Variants in WWOX observed in about 807,000 individuals in gnomAD.
The protein encoded by WWOX is WW domain-containing oxidoreductase.
A neutral mutation model predicts 46.2 loss-of-function variants in WWOX; 69 were observed. That is an observed-to-expected ratio of 1.49 (90% CI 1.23 to 1.82). WWOX has a LOEUF of 1.82. WWOX is among the 40% of genes most tolerant of loss of function. WWOX has a pLI of 0.00. For missense variants in WWOX, 919 were observed against 542.6 expected (o/e 1.69, Z -6.89); for synonymous variants, 359 against 202.6 (o/e 1.77, Z -6.56).
intron 5 of WWOX, among the ~76,000 whole-genome samples, chr16:78,301,987 G>A (rs1453017409): frequency 6.6e-6 from 1 of 151,094 alleles, no homozygotes; most frequent in African/African-American, 2.4e-5. Flanking sequence ...TTGAGACAGG[G>A]TCTCACTCTG....
chr16:78,387,069 T>C, intron 6 of WWOX, 121 bp downstream of exon 6: 1 of 941,364 alleles, frequency 1.1e-6, no homozygotes, highest in Non-Finnish European at 1.7e-6. Flanking sequence ...AACAGGAGGC[T>C]CATTTATATT....
intron 5 of WWOX, among the ~76,000 whole-genome samples, chr16:78,176,141 C>A (rs1485655064): frequency 6.6e-6 from 1 of 152,174 alleles, no homozygotes; most frequent in Non-Finnish European, 1.5e-5. Flanking sequence ...CTTCTATGCA[C>A]CGGCCCTGGT....
chr16:78,428,086 A>G (rs1289413252), intron 7 of WWOX, among the ~76,000 whole-genome samples: 1 of 152,194 alleles, frequency 6.6e-6, no homozygotes, highest in Non-Finnish European at 1.5e-5. Flanking sequence ...AAAACCCAAA[A>G]AGCAAAACCC....
Position 78,973,296 on chromosome 16 carries a change from G to C in WWOX, c.1057-238312G>C, listed in dbSNP as rs141464949. ...CAGAAGTCCGGGCTGTCATCCTGGC[G>C]TTTGGGTACTTATGTTCCCTAGTGG... is the stretch of plus-strand genomic sequence containing the variant. On this transcript the variant is annotated intron_variant, in intron 8 of 8. Coordinates refer to ENST00000566780, the MANE Select transcript of WWOX (RefSeq NM_016373.4). Among the ~76,000 whole-genome samples, 6 of 152,238 alleles carry C rather than the reference G, an allele frequency of 3.9e-5. No homozygotes were observed. In the East Asian group the frequency reaches 1.2e-3, roughly 29 times the overall value.
intron 8 of WWOX, among the ~76,000 whole-genome samples, chr16:79,128,599 C>T (rs955663363): frequency 2.0e-5 from 3 of 152,088 alleles, no homozygotes; most frequent in Admixed American, 2.0e-4. Context: ...ATTTCAGTAG[C>T]AAATGCAGTG....
intron 8 of WWOX, among the ~76,000 whole-genome samples, chr16:78,664,126 G>A (rs80139410): frequency 0.045 from 6,896 of 152,236 alleles, 258 homozygotes; most frequent in South Asian, 0.17. Flanking sequence ...TATGCTGGGA[G>A]GTGACCCTGG....
At chr16:78,257,889 C>T (rs1186663613) in intron 5 of WWOX, among the ~76,000 whole-genome samples, 1 of 151,756 alleles carries the variant, frequency 6.6e-6, no homozygotes, top group African/African-American at 2.4e-5. Context: ...TCTTTTCTTT[C>T]TAGAAACAGG....
At chr16:78,187,528 C>T (rs1164360531) in intron 5 of WWOX, among the ~76,000 whole-genome samples, 4 of 152,028 alleles carry the variant, frequency 2.6e-5, no homozygotes, top group African/African-American at 7.3e-5. Flanking sequence ...GCTTGAACCG[C>T]GGAGGCAGAG....
intron 8 of WWOX, among the ~76,000 whole-genome samples, chr16:78,866,739 C>T (rs2044012498): frequency 1.3e-5 from 2 of 152,188 alleles, no homozygotes; most frequent in Admixed American, 1.3e-4. Context: ...ACCAGGAATG[C>T]ACTGTTTCCA....
At chr16:78,768,279 T>TAAAAAAAAAAAAAAAAAAA (rs56280651) in intron 8 of WWOX, among the ~76,000 whole-genome samples, 1 of 91,956 alleles carries the variant, frequency 1.1e-5, no homozygotes, top group African/African-American at 4.0e-5. Context: ...ATAGATGAGT[T>TAAAAAAAAAAAAAAAAAAA]AAAAAAAAAA....
intron 8 of WWOX, among the ~76,000 whole-genome samples, chr16:78,530,086 A>G (rs1049612072): frequency 6.6e-6 from 1 of 152,140 alleles, no homozygotes; most frequent in Admixed American, 6.5e-5. Context: ...GGAAGCATGC[A>G]GGTGAGCAGG....
chr16:78,617,275 A>G (rs1367927897), intron 8 of WWOX, among the ~76,000 whole-genome samples: 3 of 151,706 alleles, frequency 2.0e-5, no homozygotes, highest in Admixed American at 6.6e-5. Context: ...GGTGGCGTGC[A>G]CCTGTGGCCT....
chr16:78,783,969 T>G (rs2050394554), intron 8 of WWOX, among the ~76,000 whole-genome samples: 1 of 151,984 alleles, frequency 6.6e-6, no homozygotes, highest in Non-Finnish European at 1.5e-5. Flanking sequence ...ATGCTGGTGA[T>G]GATGATAATG....
intron 8 of WWOX, among the ~76,000 whole-genome samples, chr16:78,513,488 T>A (rs1107102): frequency 0.91 from 138,796 of 152,182 alleles, 63,741 homozygotes; most frequent in Non-Finnish European, 0.97. Flanking sequence ...TAGCTTTTCA[T>A]GTATCTTACT....
rs149637811 is a variant in WWOX at position 78,743,268 on chromosome 16, C to T, written c.1056+310516C>T. ...TGCAAGGTGACAGTGAGGAGATTGG[C>T]CCTGTGTATCCCTCAGAGACCAGTA... On this transcript the variant is annotated intron_variant, in intron 8 of 8. Transcript: ENST00000566780. Among the ~76,000 whole-genome samples the T allele has an allele frequency of 5.4e-3, 821 of 152,210 alleles. 4 individuals are homozygous for T. The highest frequency in any genetic ancestry group is 0.019 in the African/African-American group (769 of 41,516).
chr16:78,537,872 C>G (rs1016034553), intron 8 of WWOX, among the ~76,000 whole-genome samples: 1 of 152,114 alleles, frequency 6.6e-6, no homozygotes, highest in Non-Finnish European at 1.5e-5. Flanking sequence ...CCTCTGGCCT[C>G]GGCCTTCTCC....
chr16:78,734,340 C>T (rs186032996), intron 8 of WWOX, among the ~76,000 whole-genome samples: 65 of 152,166 alleles, frequency 4.3e-4, no homozygotes, highest in African/African-American at 1.5e-3. Flanking sequence ...CTTAGGAGTC[C>T]TGAATTTATC....
At chr16:78,801,312 C>G (rs1261995184) in intron 8 of WWOX, among the ~76,000 whole-genome samples, 1 of 152,108 alleles carries the variant, frequency 6.6e-6, no homozygotes, top group East Asian at 1.9e-4. Context: ...GAGTTTGAGA[C>G]CACCCTGGCC....
chr16:78,477,321 G>A (rs1466020189), intron 8 of WWOX, among the ~76,000 whole-genome samples: 1 of 152,046 alleles, frequency 6.6e-6, no homozygotes, highest in Admixed American at 6.6e-5. Context: ...TAAAAACCTA[G>A]CAAACCTTTG....
Sources: gnomAD v4.1 joint callset for allele counts (sites outside exome capture counted in the v4.1 genomes callset) on GRCh38, gnomAD v4.1.1 for gene constraint, MANE v1.5 for transcripts, NCBI Gene and HGNC (gene_info 2026-07-23, HGNC 2026-07-21) for gene names.